Variants in CDC45 observed in about 807,000 individuals in gnomAD.
CDC45 encodes cell division cycle 45.
In CDC45, 54 loss-of-function variants were observed where a neutral mutation model predicts 77.8. The observed-to-expected ratio is 0.69, with a 90% confidence interval of 0.56 to 0.87. The LOEUF (loss-of-function observed/expected upper bound fraction) is 0.87, where lower values mean the gene tolerates loss of function less well. Ranked by LOEUF, CDC45 falls within the 40% of genes least tolerant of loss-of-function variation. The pLI is 0.00. For missense variants in CDC45, 649 were observed against 721.6 expected, an observed-to-expected ratio of 0.90 and a Z score of 1.15; for synonymous variants, 260 against 272.1, an observed-to-expected ratio of 0.96 and a Z score of 0.44.
In CDC45 at chr22:19,487,292, C is replaced by CAA. The variant is rs754969437; in HGVS notation, c.486+3305_486+3306dup. On this transcript the variant is annotated intron_variant, in intron 5 of 18. Transcript: ENST00000263201. ...GGGCGACAGAGCAATACTCTTGTCT[C>CAA]AAAAAAAAAAAAAAAAAAAGAAATA... 2.3e-3 allele frequency among the ~76,000 whole-genome samples: 139 copies of CAA among 59,488 alleles called. 1 individual carries two copies. The highest frequency in any genetic ancestry group is 5.6e-3 in the African/African-American group (94 of 16,730). The allele number at this position is 59,488 out of a possible 152,430, so 39.0% of individuals were successfully genotyped here. A position where few individuals can be genotyped will look rare whatever the true frequency, so the allele number is the denominator to read the frequency against.
intron 12 of CDC45, among the ~76,000 whole-genome samples, chr22:19,508,186 C>T (rs536865906): frequency 2.4e-4 from 37 of 152,224 alleles, no homozygotes; most frequent in African/African-American, 8.7e-4. Flanking sequence ...GCAAATGGGC[C>T]ACAGGGCCAG....
chr22:19,502,260 G>A (rs977360493), intron 9 of CDC45, among the ~76,000 whole-genome samples: 5 of 152,042 alleles, frequency 3.3e-5, no homozygotes, highest in South Asian at 4.1e-4. Context: ...ATATAAAATC[G>A]TTCAGTCAAT....
chr22:19,515,430 C>A (rs1468314500), intron 15 of CDC45, among the ~76,000 whole-genome samples: 1 of 152,160 alleles, frequency 6.6e-6, no homozygotes, highest in African/African-American at 2.4e-5. Context: ...TTCTGTGTGG[C>A]CTAACCCCCT....
chr22:19,506,616 G>A (rs1208800878), intron 10 of CDC45, among the ~76,000 whole-genome samples: 4 of 152,178 alleles, frequency 2.6e-5, no homozygotes, highest in African/African-American at 7.2e-5. Flanking sequence ...ACGGTGCCAG[G>A]GGCAGTGATG....
In CDC45 at chr22:19,508,101, G is replaced by A. The variant is rs1370487621; in HGVS notation, c.1055+237G>A. On this transcript the variant is annotated intron_variant, in intron 12 of 18. Coordinates refer to ENST00000263201, the MANE Select transcript of CDC45 (RefSeq NM_003504.5). ...GACTTCTTCAAGCTTGTGAGGTTTA[G>A]GATCCTAGGATCCTTGGATCCTAGG... Among the ~76,000 whole-genome samples the A allele has an allele frequency of 2.6e-5, 4 of 152,072 alleles. No homozygotes were observed. In the East Asian group the frequency reaches 7.7e-4, roughly 29 times the overall value.
At chr22:19,504,583 G>A (rs1933049747) in intron 9 of CDC45, among the ~76,000 whole-genome samples, 2 of 152,092 alleles carry the variant, frequency 1.3e-5, no homozygotes, top group African/African-American at 4.8e-5. Flanking sequence ...ACAGGCATGA[G>A]CCACTGTGCC....
chr22:19,501,158 C>T (rs981732280), intron 9 of CDC45, among the ~76,000 whole-genome samples: 6 of 151,954 alleles, frequency 3.9e-5, no homozygotes, highest in Admixed American at 1.3e-4. Flanking sequence ...CCAGTTTGGG[C>T]AACAGAACAA....
At chr22:19,480,063 G>T (rs767368308) in intron 1 of CDC45, 44 bp downstream of exon 1, 7 of 1,612,866 alleles carry the variant, frequency 4.3e-6, no homozygotes, top group Non-Finnish European at 5.9e-6. Flanking sequence ...TGCCGGTGGG[G>T]AAGGGATGAG....
intron 5 of CDC45, among the ~76,000 whole-genome samples, chr22:19,490,260 T>TA (rs763669499): frequency 6.6e-6 from 1 of 152,268 alleles, no homozygotes; most frequent in African/African-American, 2.4e-5. Context: ...TTGATAAACT[T>TA]AGCTTACTTA....
At chr22:19,494,572 T>C (rs2090209343) in intron 6 of CDC45, 190 bp downstream of exon 6, 1 of 1,548,626 alleles carries the variant, frequency 6.5e-7, no homozygotes, top group Non-Finnish European at 8.7e-7. Flanking sequence ...GCCGGTCCCA[T>C]GAGTGACAGG....
chr22:19,479,948 A>T lies in CDC45; in HGVS notation c.-21A>T. On this transcript the variant is annotated 5_prime_UTR_variant, in exon 1 of 19. Coordinates refer to ENST00000263201, the MANE Select transcript of CDC45 (RefSeq NM_003504.5). ...CTCTTGGTACCTCAGCGCGAGCGCCAGGCGTCCGGCCGCCGTGGCTATGTT... is the reference window on the plus strand; with the variant it reads ...CTCTTGGTACCTCAGCGCGAGCGCCTGGCGTCCGGCCGCCGTGGCTATGTT... The T allele has an allele frequency of 6.2e-7, 1 of 1,612,498 alleles. No individual in the cohort carries two copies. The highest frequency in any genetic ancestry group is 8.5e-7 in the Non-Finnish European group (1 of 1,179,956).
At chr22:19,509,928 A>G (rs1292808252) in intron 13 of CDC45, among the ~76,000 whole-genome samples, 1 of 152,104 alleles carries the variant, frequency 6.6e-6, no homozygotes, top group Non-Finnish European at 1.5e-5. Context: ...CAATTCACCC[A>G]TTTAAAATGT....
At chr22:19,512,226 T>A (rs1933556766) in intron 13 of CDC45, among the ~76,000 whole-genome samples, 1 of 152,166 alleles carries the variant, frequency 6.6e-6, no homozygotes, top group East Asian at 1.9e-4. Context: ...CTCCTTGCAC[T>A]CCAGGGAGGC....
chr22:19,482,946 A>C, intron 4 of CDC45, 119 bp downstream of exon 4: 1 of 868,122 alleles, frequency 1.2e-6, no homozygotes, highest in Non-Finnish European at 1.8e-6. Flanking sequence ...AACAGCCTGA[A>C]CACAAGAACT....
chr22:19,514,729 ATGTGTCTGCCC>A lies in CDC45; in HGVS notation c.1218-16_1218-6del. ...GTTCCTGACAAGCACCACCAAAGCC[ATGTGTCTGCCC>A]TGTTACAGGAGTAACCTGGACAAGC... is the stretch of plus-strand genomic sequence containing the variant. On this transcript the variant is annotated splice_polypyrimidine_tract_variant and intron_variant, in intron 13 of 18. Coordinates refer to ENST00000263201, the MANE Select transcript of CDC45 (RefSeq NM_003504.5). The A allele has an allele frequency of 1.3e-6, 2 of 1,574,578 alleles. No homozygotes were observed. The highest frequency in any genetic ancestry group is 1.2e-5 in the South Asian group (1 of 84,192).
intron 13 of CDC45, among the ~76,000 whole-genome samples, chr22:19,512,896 G>C (rs578072055): frequency 3.9e-5 from 6 of 152,230 alleles, no homozygotes. Context: ...TTGGGCATCT[G>C]CATCTGGTGA....
rs766064032 is a variant in CDC45, at chr22:19,480,207, A to G, written c.101A>G (p.Lys34Arg). The G allele has an allele frequency of 6.2e-7, 1 of 1,613,872 alleles. No individual in the cohort carries two copies. The highest frequency in any genetic ancestry group is 8.5e-7 in the Non-Finnish European group (1 of 1,179,910). ...ASDVDALCAC[K>R]ILQALFQCDH... Reference sequence around the variant, plus strand: ...GACGTGGATGCTCTGTGTGCGTGCAAGATCCTTCAGGTGAGTTCTGCGGAC... The same window carrying G: ...GACGTGGATGCTCTGTGTGCGTGCAGGATCCTTCAGGTGAGTTCTGCGGAC... Residue 34 changes from lysine to arginine, a missense_variant, in exon 2 of 19, where the codon AAG becomes AGG. Lys to Arg is a conservative substitution (Grantham distance 26, BLOSUM62 2). Coordinates refer to ENST00000263201, the MANE Select transcript of CDC45 (RefSeq NM_003504.5).
chr22:19,514,275 A>G (rs1047938431), intron 13 of CDC45, among the ~76,000 whole-genome samples: 7 of 152,216 alleles, frequency 4.6e-5, no homozygotes, highest in Non-Finnish European at 8.8e-5. Context: ...GCAGGAGCCA[A>G]CTGTGACACT....
chr22:19,508,739 C>G, intron 13 of CDC45, 48 bp downstream of exon 13: 1 of 1,588,462 alleles, frequency 6.3e-7, no homozygotes, highest in Non-Finnish European at 8.6e-7. Context: ...CACTGGTTCT[C>G]ACACTGCCCA....
Sources: allele counts gnomAD v4.1 joint callset (sites outside exome capture counted in the v4.1 genomes callset), GRCh38; gene constraint gnomAD v4.1.1; transcripts MANE v1.5; gene names NCBI Gene and HGNC (gene_info 2026-07-23, HGNC 2026-07-21).